The following ZNF69 variants were observed in gnomAD, a reference collection of about 807,000 sequenced individuals.
ZNF69 encodes ZNF3.
A neutral mutation model predicts 50.9 loss-of-function variants in ZNF69; 47 were observed. The observed-to-expected ratio is 0.92, with a 90% CI of 0.73 to 1.18. The LOEUF (loss-of-function observed/expected upper bound fraction) is 1.18, where lower values mean the gene tolerates loss of function less well. ZNF69 is among the 50% of genes most tolerant of loss of function. The pLI is 0.00. For synonymous variants in ZNF69, 216 were observed against 223.1 expected, an observed-to-expected ratio of 0.97 and a Z score of 0.29; for missense variants, 717 against 675.1, an observed-to-expected ratio of 1.06 and a Z score of -0.69.
chr19:11,930,097 G>A, the ZNF69 span, among the ~76,000 whole-genome samples: 1 of 148,214 alleles, frequency 6.7e-6, no homozygotes, highest in Non-Finnish European at 1.5e-5. Context: ...TCCCAAGGGA[G>A]CAGCTGAATG....
At chr19:11,960,314 G>A in the ZNF69 span, among the ~76,000 whole-genome samples, 4 of 152,274 alleles carry the variant, frequency 2.6e-5, no homozygotes, top group South Asian at 2.1e-4. Flanking sequence ...CACTGCGCCC[G>A]TCTCTTGTTT....
chr19:11,892,246 C>CT (rs1977111927), intron 1 of ZNF69, among the ~76,000 whole-genome samples: 1 of 151,184 alleles, frequency 6.6e-6, no homozygotes, highest in African/African-American at 2.4e-5. Context: ...TCCAAAAGTG[C>CT]TGCGATCACA....
chr19:11,978,879 AAAGCAT>A, the ZNF69 span: 1 of 1,614,234 alleles, frequency 6.2e-7, no homozygotes. Flanking sequence ...CAAATGTAAT[AAAGCAT>A]TCCGTAGTTA....
At chr19:11,925,701 A>C in the ZNF69 span, among the ~76,000 whole-genome samples, 1 of 152,218 alleles carries the variant, frequency 6.6e-6, no homozygotes, top group African/African-American at 2.4e-5. Flanking sequence ...ACAATTAAAG[A>C]GTTCATTTGA....
rs778331461 is a variant in ZNF69, at chr19:11,905,820, G to A, written c.1423G>A (p.Glu475Lys). Residue 475 changes from glutamate (E) to lysine (K), a missense_variant, in exon 4 of 4, where the codon GAA becomes AAA. Physicochemically the swap from Glu to Lys is moderately conservative, Grantham distance 56. Transcript: ENST00000429654. ...TQTHVRIHSGERPYKCKLCGK... is the reference protein window; with the variant it reads ...TQTHVRIHSGKRPYKCKLCGK... ...AACACACGTAAGAATACACTCTGGA[G>A]AAAGACCTTATAAATGTAAGCTATG... The A allele has an allele frequency of 3.7e-6, 6 of 1,613,786 alleles. No individual in the cohort carries two copies. The highest frequency in any genetic ancestry group is 5.1e-6 in the Non-Finnish European group (6 of 1,179,986).
the ZNF69 span, chr19:11,949,386 C>A: frequency 6.2e-7 from 1 of 1,613,674 alleles, no homozygotes; most frequent in Non-Finnish European, 8.5e-7. Context: ...GTGGGAAAGC[C>A]TTCAGATCTA....
chr19:11,928,796 G>C, the ZNF69 span, among the ~76,000 whole-genome samples: 1 of 145,878 alleles, frequency 6.9e-6, no homozygotes, highest in South Asian at 2.1e-4. Flanking sequence ...GTAGTGAAGA[G>C]GGGCCTGGTA....
Position 11,904,099 on chromosome 19 carries a change from A to T in ZNF69, c.251+134A>T, listed in dbSNP as rs1215688484. The T allele has an allele frequency of 8.3e-6, 10 of 1,207,062 alleles. No homozygotes were observed. In the East Asian group the frequency reaches 1.9e-4, roughly 23 times the overall value. 74.8% of individuals were successfully genotyped at this position (1,207,062 alleles called of 1,614,324 possible). A position where few individuals can be genotyped will look rare whatever the true frequency, so the allele number is the denominator to read the frequency against. Reference sequence around the variant, plus strand: ...TTTAGAATATTTGATCAAAAAACATATATATAAATGTGACCTAGGCTGTGG... The same window carrying T: ...TTTAGAATATTTGATCAAAAAACATTTATATAAATGTGACCTAGGCTGTGG... On this transcript the variant is annotated intron_variant, in intron 3 of 3. Coordinates refer to ENST00000429654, the MANE Select transcript of ZNF69 (RefSeq NM_001364730.1).
chr19:11,948,972 A>G, the ZNF69 span: 1 of 1,608,810 alleles, frequency 6.2e-7, no homozygotes, highest in African/African-American at 1.3e-5. Context: ...AAGCATTTGC[A>G]TATACCAGTT....
chr19:11,893,456 A>G (rs62112975), intron 1 of ZNF69, among the ~76,000 whole-genome samples: 27,933 of 152,104 alleles, frequency 0.18, 3,424 homozygotes, highest in Non-Finnish European at 0.27. Flanking sequence ...GTGTCTGAAC[A>G]TTTCACATGA....
At chr19:11,936,441 T>A in the ZNF69 span, among the ~76,000 whole-genome samples, 12 of 152,194 alleles carry the variant, frequency 7.9e-5, no homozygotes, top group Admixed American at 5.2e-4. Context: ...ATGACCAGTG[T>A]TGATGAGCAT....
chr19:11,901,005 T>A (rs1972232835), intron 1 of ZNF69, among the ~76,000 whole-genome samples: 1 of 152,160 alleles, frequency 6.6e-6, no homozygotes, highest in Non-Finnish European at 1.5e-5. Flanking sequence ...AAAGGTGCAG[T>A]TCTGTGTCTA....
At chr19:11,930,548 A>G in the ZNF69 span, among the ~76,000 whole-genome samples, 1 of 148,634 alleles carries the variant, frequency 6.7e-6, no homozygotes, top group Non-Finnish European at 1.5e-5. Context: ...TATAACCGGC[A>G]ACTCTAGAAT....
chr19:11,962,457 C>A, the ZNF69 span, among the ~76,000 whole-genome samples: 3 of 152,124 alleles, frequency 2.0e-5, no homozygotes, highest in East Asian at 5.8e-4. Context: ...AACTCCTGGG[C>A]TCAAGGGATC....
At chr19:11,971,831 A>G in the ZNF69 span, among the ~76,000 whole-genome samples, 217 of 152,298 alleles carry the variant, frequency 1.4e-3, no homozygotes, top group African/African-American at 5.1e-3. Flanking sequence ...TGGGAGGCCA[A>G]TGTGGATGGA....
the ZNF69 span, among the ~76,000 whole-genome samples, chr19:11,927,706 A>G: frequency 6.6e-6 from 1 of 152,192 alleles, no homozygotes; most frequent in South Asian, 2.1e-4. Flanking sequence ...AACTATAATT[A>G]TCTTGAAAGC....
At chr19:11,977,300 G>A in the ZNF69 span, 1 of 1,605,610 alleles carries the variant, frequency 6.2e-7, no homozygotes, top group Non-Finnish European at 8.5e-7. Context: ...GTAAATCATA[G>A]ACATAGAATC....
At chr19:11,888,825 T>C (rs1231852089) in intron 1 of ZNF69, among the ~76,000 whole-genome samples, 1 of 151,930 alleles carries the variant, frequency 6.6e-6, no homozygotes, top group Non-Finnish European at 1.5e-5. Context: ...AAAAAGAAAC[T>C]AGCCGGGCGT....
At chr19:11,904,056 G>A in intron 3 of ZNF69, 91 bp downstream of exon 3, 2 of 1,426,370 alleles carry the variant, frequency 1.4e-6, no homozygotes, top group South Asian at 2.6e-5. Context: ...ACTAAGTCCA[G>A]GATCAAATAC....
Sources: gnomAD v4.1 joint callset for allele counts (sites outside exome capture counted in the v4.1 genomes callset) on GRCh38, gnomAD v4.1.1 for gene constraint, MANE v1.5 for transcripts, NCBI Gene and HGNC (gene_info 2026-07-23, HGNC 2026-07-21) for gene names.